Variants in FTO observed in about 807,000 individuals in gnomAD.
The protein encoded by FTO is FTO alpha-ketoglutarate dependent dioxygenase, also known as alpha-ketoglutarate-dependent dioxygenase FTO.
A neutral mutation model predicts 63.9 loss-of-function variants in FTO; 47 were observed. The ratio of observed to expected loss-of-function variants is 0.74; its 90% CI spans 0.58 to 0.94. FTO has a LOEUF of 0.94. Among genes scored for constraint, FTO ranks in the 40% least tolerant of loss-of-function variants. FTO has a pLI of 0.00. For missense variants in FTO, 562 were observed against 618.1 expected, an observed-to-expected ratio of 0.91 and a Z score of 0.96; for synonymous variants, 207 against 224.4, an observed-to-expected ratio of 0.92 and a Z score of 0.69.
chr16:53,873,597 A>AAT (rs898590399), intron 4 of FTO, among the ~76,000 whole-genome samples, 189 bp from the exon 5 acceptor site: 9 of 150,948 alleles, frequency 6.0e-5, no homozygotes, highest in Non-Finnish European at 8.9e-5. Flanking sequence ...CATATAATGG[A>AAT]ATATATATAT....
chr16:54,072,696 A>G (rs2085897771), intron 8 of FTO, among the ~76,000 whole-genome samples: 1 of 152,086 alleles, frequency 6.6e-6, no homozygotes, highest in African/African-American at 2.4e-5. Context: ...TCCTTTCCCC[A>G]GGCTGTAGTT....
rs560924885 is a variant in FTO, at chr16:53,746,944, A to C, written c.45+42715A>C. Among the ~76,000 whole-genome samples the C allele has an allele frequency of 2.6e-5, 4 of 152,310 alleles. No homozygotes were observed. In the South Asian group the frequency reaches 8.3e-4, roughly 32 times the overall value. ...TTTTTGATTCCACATGTAAGTGAGA[A>C]TATGCAGTATTTGTCCTTCTGTACC... is the stretch of plus-strand genomic sequence containing the variant. On this transcript the variant is annotated intron_variant, in intron 1 of 8. Transcript: ENST00000471389.
chr16:53,971,969 C>G (rs1370650097), intron 8 of FTO, among the ~76,000 whole-genome samples: 3 of 152,094 alleles, frequency 2.0e-5, no homozygotes, highest in Non-Finnish European at 4.4e-5. Flanking sequence ...ATTGCCTCCC[C>G]CCTTCCCTCC....
At chr16:53,856,355 CTT>C (rs772358108) in intron 4 of FTO, among the ~76,000 whole-genome samples, 4 of 112,702 alleles carry the variant, frequency 3.5e-5, no homozygotes, top group Non-Finnish European at 5.4e-5. Context: ...CAATAAACAT[CTT>C]TTTTTTTTTT....
chr16:53,813,603 A>G lies in FTO; in HGVS notation c.123+3386A>G, dbSNP rs527237397. Among the ~76,000 whole-genome samples, 8 of 152,330 alleles carry G rather than the reference A, an allele frequency of 5.3e-5. No homozygotes were observed. In the South Asian group the frequency reaches 1.4e-3, roughly 28 times the overall value. ...AAAAGATGAAGTGAAAATACTTTTT[A>G]ATGACATGAGTAAATAGAAAGTTCA... On this transcript the variant is annotated intron_variant, in intron 2 of 8. Transcript: ENST00000471389.
chr16:53,881,542 A>G (rs2080836555), intron 6 of FTO, among the ~76,000 whole-genome samples: 1 of 152,218 alleles, frequency 6.6e-6, no homozygotes, highest in Non-Finnish European at 1.5e-5. Flanking sequence ...GTCTCCCAGC[A>G]AAGACTGCTG....
At chr16:54,110,347 C>T (rs1354223773) in intron 8 of FTO, among the ~76,000 whole-genome samples, 2 of 152,036 alleles carry the variant, frequency 1.3e-5, no homozygotes, top group Non-Finnish European at 2.9e-5. Context: ...CTTGGGGCCC[C>T]GGGGTCAGCT....
At chr16:54,050,772 G>C (rs2085292188) in intron 8 of FTO, among the ~76,000 whole-genome samples, 1 of 152,102 alleles carries the variant, frequency 6.6e-6, no homozygotes, top group Non-Finnish European at 1.5e-5. Context: ...AACACACTGG[G>C]ATCAGTTTTT....
At chr16:53,920,447 G>C (rs1055501274) in intron 7 of FTO, among the ~76,000 whole-genome samples, 2 of 152,188 alleles carry the variant, frequency 1.3e-5, no homozygotes, top group Non-Finnish European at 2.9e-5. Flanking sequence ...CATCAGCTTT[G>C]CTCTAATTTG....
chr16:53,721,556 G>T (rs992385164), intron 1 of FTO, among the ~76,000 whole-genome samples: 15 of 151,206 alleles, frequency 9.9e-5, no homozygotes, highest in Admixed American at 6.6e-4. Context: ...AGTTTATTTT[G>T]TTCATTGCTA....
intron 1 of FTO, among the ~76,000 whole-genome samples, chr16:53,737,300 T>C (rs547643714): frequency 6.6e-6 from 1 of 152,368 alleles, no homozygotes; most frequent in South Asian, 2.1e-4. Context: ...CATTGCTTAA[T>C]GACAAGGATA....
At position 54,117,263 on chromosome 16, in the gene FTO, TC is replaced by T. The variant is rs1246957844; in HGVS notation, c.*5351del. On this transcript the variant is annotated 3_prime_UTR_variant, in exon 9 of 9. Transcript: ENST00000471389. ...TAAGTTAATGCGTATTTAAAATGCCTCCCACAGTACCTGACATATACTGGGC... is the reference window on the plus strand; with the variant it reads ...TAAGTTAATGCGTATTTAAAATGCCTCCACAGTACCTGACATATACTGGGC... 1.6e-4 allele frequency: 25 copies of T among 152,302 alleles called. No individual in the cohort carries two copies. Among genetic ancestry groups the T allele is most frequent in the Admixed American group, 4.6e-4 (7 of 15,296 alleles). 9.4% of individuals were successfully genotyped at this position (152,302 alleles called of 1,614,324 possible). A position where few individuals can be genotyped will look rare whatever the true frequency, so the allele number is the denominator to read the frequency against.
At chr16:54,004,936 G>A (rs1047884287) in intron 8 of FTO, among the ~76,000 whole-genome samples, 1 of 152,094 alleles carries the variant, frequency 6.6e-6, no homozygotes, top group South Asian at 2.1e-4. Context: ...CGGGCATGGT[G>A]GCAGGTGCCT....
intron 4 of FTO, among the ~76,000 whole-genome samples, chr16:53,866,437 A>G (rs2151863679): frequency 6.6e-6 from 1 of 152,278 alleles, no homozygotes; most frequent in East Asian, 1.9e-4. Flanking sequence ...CTAGTAAAGA[A>G]TGTTAAGAAT....
chr16:53,830,767 G>A lies in FTO; in HGVS notation c.751+4276G>A, dbSNP rs190959049. On this transcript the variant is annotated intron_variant, in intron 3 of 8. Transcript: ENST00000471389. ...AAAAATAAGCTGGGCATGGTGGTGC[G>A]CACCTGTAGTCCCAGCTACTCGGGA... is the stretch of plus-strand genomic sequence containing the variant. Among the ~76,000 whole-genome samples, 940 of 152,166 alleles carry A rather than the reference G, an allele frequency of 6.2e-3. 14 individuals are homozygous for A. The highest frequency in any genetic ancestry group is 0.022 in the African/African-American group (897 of 41,512).
At chr16:53,750,394 C>T (rs1221443782) in intron 1 of FTO, among the ~76,000 whole-genome samples, 1 of 151,992 alleles carries the variant, frequency 6.6e-6, no homozygotes, top group African/African-American at 2.4e-5. Flanking sequence ...CACGCCACCA[C>T]ACCTGGCGAA....
intron 8 of FTO, among the ~76,000 whole-genome samples, chr16:54,048,993 A>T (rs1421558365): frequency 6.6e-6 from 1 of 150,538 alleles, no homozygotes; most frequent in Non-Finnish European, 1.5e-5. Context: ...GTGCATGGAG[A>T]TTTTTTTTTT....
chr16:53,799,364 A>G (rs749578168), intron 1 of FTO, among the ~76,000 whole-genome samples: 3 of 152,240 alleles, frequency 2.0e-5, no homozygotes, highest in Non-Finnish European at 4.4e-5. Context: ...TAATAGATAT[A>G]GGACTATCTA....
intron 1 of FTO, among the ~76,000 whole-genome samples, chr16:53,784,890 G>A (rs2077693106): frequency 6.6e-6 from 1 of 152,104 alleles, no homozygotes; most frequent in Non-Finnish European, 1.5e-5. Flanking sequence ...AGGTGGTATA[G>A]TGTATGTGGG....
Sources: allele counts gnomAD v4.1 joint callset (sites outside exome capture counted in the v4.1 genomes callset), GRCh38; gene constraint gnomAD v4.1.1; transcripts MANE v1.5; gene names NCBI Gene and HGNC (gene_info 2026-07-23, HGNC 2026-07-21).